GGA3: variants seen among roughly 807,000 people sequenced by gnomAD.
GGA3 encodes golgi associated, gamma adaptin ear containing, ARF binding protein 3, also known as ADP-ribosylation factor-binding protein GGA3.
GGA3 carries 57 observed loss-of-function variants against 77.5 expected under a neutral mutation model. That is an observed-to-expected ratio of 0.74 (90% CI 0.59 to 0.92). The LOEUF (loss-of-function observed/expected upper bound fraction) is 0.92, where lower values mean the gene tolerates loss of function less well. Ranked by LOEUF, GGA3 falls within the 40% of genes least tolerant of loss-of-function variation. The pLI is 0.00. For synonymous variants in GGA3, 416 were observed against 383.7 expected (o/e 1.08, Z -0.98); for missense variants, 970 against 914.9 (o/e 1.06, Z -0.78).
At position 75,236,700 on chromosome 17, in the gene GGA3, C is replaced by T. The variant is rs994207272; in HGVS notation, c.*1579G>A. 6.5e-6 allele frequency: 1 copy of T among 152,762 alleles called. No individual in the cohort carries two copies. The highest frequency in any genetic ancestry group is 1.5e-5 in the Non-Finnish European group (1 of 68,160). The allele number at this position is 152,762 out of a possible 1,614,324, so 9.5% of individuals were successfully genotyped here. ...CACGAAGCACTGACCTCAACAGTAA[C>T]GAGTAACACTCAAATAACTGTAATG... On this transcript the variant is annotated 3_prime_UTR_variant, in exon 17 of 17. Coordinates refer to ENST00000537686, the MANE Select transcript of GGA3 (RefSeq NM_138619.4).
intron 4 of GGA3, 55 bp from the exon 5 acceptor site, chr17:75,243,625 G>A: frequency 1.3e-6 from 2 of 1,579,690 alleles, no homozygotes; most frequent in East Asian, 2.2e-5. Flanking sequence ...GGCAGAGAAA[G>A]TGTAAGGCTC....
intron 1 of GGA3, among the ~76,000 whole-genome samples, chr17:75,260,477 C>T (rs2145618666): frequency 6.6e-6 from 1 of 152,294 alleles, no homozygotes; most frequent in Admixed American, 6.5e-5. Flanking sequence ...ATTTTGCAAA[C>T]GTGATCTTAC....
chr17:75,246,087 C>T (rs2076746300), intron 3 of GGA3, among the ~76,000 whole-genome samples: 1 of 152,248 alleles, frequency 6.6e-6, no homozygotes, highest in Non-Finnish European at 1.5e-5. Context: ...GACACCTTCG[C>T]TAGTGACTGG....
rs1438507505 is a variant in GGA3, at chr17:75,236,955, C to T, written c.*1324G>A. ...CATAGTAAGGAATAAGGAAGCCTGG[C>T]AAGGGGCAGGGAGGAACCAGGGAAC... On this transcript the variant is annotated 3_prime_UTR_variant, in exon 17 of 17. Transcript: ENST00000537686. The T allele has an allele frequency of 6.0e-6, 1 of 165,598 alleles. No individual in the cohort carries two copies. The allele number at this position is 165,598 out of a possible 1,614,324, so 10.3% of individuals were successfully genotyped here.
At chr17:75,238,802 G>T (rs369842990) in intron 15 of GGA3, 40 bp from the exon 16 acceptor site, 9 of 1,567,930 alleles carry the variant, frequency 5.7e-6, no homozygotes, top group Non-Finnish European at 7.9e-6. Context: ...ACTGGTAGGT[G>T]CCCCCAGATG....
At chr17:75,251,253 C>CA (rs1215038664) in intron 1 of GGA3, among the ~76,000 whole-genome samples, 2 of 151,716 alleles carry the variant, frequency 1.3e-5, no homozygotes, top group Admixed American at 6.6e-5. Flanking sequence ...AGCATGTCAG[C>CA]ATGCCAGACC....
In GGA3 at chr17:75,237,201, A is replaced by G. The variant is rs1479572052; in HGVS notation, c.*1078T>C. 2 of 557,442 alleles carry G rather than the reference A, an allele frequency of 3.6e-6. No homozygotes were observed. Among genetic ancestry groups the G allele is most frequent in the Non-Finnish European group, 6.4e-6 (2 of 311,288 alleles). 34.5% of individuals were successfully genotyped at this position (557,442 alleles called of 1,614,324 possible). A position where few individuals can be genotyped will look rare whatever the true frequency, so the allele number is the denominator to read the frequency against. ...GCAATAGGGTCTGGTGACTCAGCTC[A>G]AGTGTGGCCCGATCTCATCACCTCC... On this transcript the variant is annotated 3_prime_UTR_variant, in exon 17 of 17. Transcript: ENST00000537686.
At position 75,242,531 on chromosome 17, in the gene GGA3, C is replaced by T; in HGVS notation, c.610-58G>A. 3 of 1,601,786 alleles carry T rather than the reference C, an allele frequency of 1.9e-6. No individual in the cohort carries two copies. In the Middle Eastern group the frequency reaches 5.0e-4, roughly 267 times the overall value. On this transcript the variant is annotated intron_variant, in intron 7 of 16. Coordinates refer to ENST00000537686, the MANE Select transcript of GGA3 (RefSeq NM_138619.4). Reference sequence around the variant, plus strand: ...GCGTCACTTGACTGTCTTTCCACTTCCACCAGGTCACACCTTACCCCACAA... The same window carrying T: ...GCGTCACTTGACTGTCTTTCCACTTTCACCAGGTCACACCTTACCCCACAA...
chr17:75,242,980 T>A, intron 6 of GGA3, 69 bp from the exon 7 acceptor site: 1 of 1,487,644 alleles, frequency 6.7e-7, no homozygotes, highest in South Asian at 1.1e-5. Flanking sequence ...CCCCAGAGGC[T>A]CCCCGCAGCA....
At chr17:75,240,525 G>C (rs529616659) in intron 11 of GGA3, 113 bp from the exon 12 acceptor site, 2 of 708,770 alleles carry the variant, frequency 2.8e-6, no homozygotes, top group Admixed American at 2.4e-5. Flanking sequence ...TGAAGGCGCC[G>C]GGAGAAGCTG....
intron 1 of GGA3, among the ~76,000 whole-genome samples, chr17:75,253,874 C>T (rs535028715): frequency 1.3e-5 from 2 of 152,272 alleles, no homozygotes; most frequent in East Asian, 3.9e-4. Flanking sequence ...GAACTTAAAA[C>T]CTCGTCAACT....
chr17:75,254,816 T>G (rs2077087301), intron 1 of GGA3, among the ~76,000 whole-genome samples: 1 of 152,014 alleles, frequency 6.6e-6, no homozygotes, highest in South Asian at 2.1e-4. Context: ...GGCCAGGCAT[T>G]CCTCCATAAC....
chr17:75,243,492 C>T lies in GGA3; in HGVS notation c.379G>A (p.Glu127Lys), dbSNP rs2076647978. The change falls in exon 5 of 17, where the codon GAA becomes AAA. Residue 127 changes from glutamate (E) to lysine (K), a missense_variant. By Grantham distance (56) the Glu-to-Lys change is moderately conservative. Transcript: ENST00000537686. The stretch of plus-strand genomic sequence containing the variant: ...TAGGCGTCTTTGATCTTTGCTTCTT[C>T]TGGCAGGGCCATGGTCCAGCTGTAC... The part of the protein sequence containing the change: ...LLYSWTMALP[E>K]EAKIKDAYHM... 6.2e-7 allele frequency: 1 copy of T among 1,614,106 alleles called. No homozygotes were observed. Among genetic ancestry groups the T allele is most frequent in the South Asian group, 1.1e-5 (1 of 91,092 alleles).
intron 9 of GGA3, 28 bp downstream of exon 9, chr17:75,241,587 T>C: frequency 6.2e-7 from 1 of 1,610,664 alleles, no homozygotes; most frequent in Non-Finnish European, 8.5e-7. Context: ...ATGCCTGGCT[T>C]ATCCCTGACC....
intron 8 of GGA3, 26 bp downstream of exon 8, chr17:75,242,310 G>A: frequency 6.2e-7 from 1 of 1,613,646 alleles, no homozygotes; most frequent in South Asian, 1.1e-5. Context: ...GCCCCGGGAG[G>A]CAGCCTTTGC....
At chr17:75,248,740 C>T (rs928054342) in intron 1 of GGA3, 7 of 507,466 alleles carry the variant, frequency 1.4e-5, no homozygotes, top group African/African-American at 8.4e-5. Context: ...GAGCCGAGAT[C>T]GTGCCATTGC....
At chr17:75,246,681 T>C in intron 2 of GGA3, 31 bp downstream of exon 2, 8 of 1,604,328 alleles carry the variant, frequency 5.0e-6, no homozygotes, top group Non-Finnish European at 6.8e-6. Context: ...GTCCGCTCCC[T>C]CTCAGCTGCC....
intron 1 of GGA3, among the ~76,000 whole-genome samples, chr17:75,250,952 G>A (rs368934392): frequency 5.3e-5 from 8 of 149,556 alleles, no homozygotes; most frequent in African/African-American, 1.2e-4. Context: ...ATGGTTCCGC[G>A]CACCTGTGAT....
In GGA3 at chr17:75,243,517, C is replaced by T. The variant is rs139932134; in HGVS notation, c.354G>A (p.Leu118=). ...CTGGCAGGGCCATGGTCCAGCTGTA[C>T]AGCAGCTCAATAACCTTGGTCTTCA... is the stretch of plus-strand genomic sequence containing the variant. ...EKVKTKVIEL[L]YSWTMALPEE... The change falls in exon 5 of 17, where the codon CTG becomes CTA. Residue 118 remains leucine (L), a synonymous_variant. Coordinates refer to ENST00000537686, the MANE Select transcript of GGA3 (RefSeq NM_138619.4). 5.6e-6 allele frequency: 9 copies of T among 1,613,796 alleles called. No individual in the cohort carries two copies. Among genetic ancestry groups the T allele is most frequent in the Middle Eastern group, 1.6e-4 (1 of 6,084 alleles).
Sources: allele counts gnomAD v4.1 joint callset (sites outside exome capture counted in the v4.1 genomes callset), GRCh38; gene constraint gnomAD v4.1.1; transcripts MANE v1.5; gene names NCBI Gene and HGNC (gene_info 2026-07-23, HGNC 2026-07-21).